CEP63: variants seen among roughly 807,000 people sequenced by gnomAD.
CEP63 encodes centrosomal protein of 63 kDa.
In CEP63, 84 loss-of-function variants were observed where a neutral mutation model predicts 89.1. The ratio of observed to expected loss-of-function variants is 0.94; its 90% confidence interval spans 0.79 to 1.13. The LOEUF is 1.13. Among genes scored for constraint, CEP63 ranks in the 50% most tolerant of loss-of-function variants. The pLI is 0.00. For missense variants in CEP63, 838 were observed against 813.3 expected (o/e 1.03, Z -0.37); for synonymous variants, 267 against 272.5 (o/e 0.98, Z 0.20).
chr3:134,681,936 A>G, the CEP63 span, among the ~76,000 whole-genome samples: 10 of 152,160 alleles, frequency 6.6e-5, no homozygotes, highest in Non-Finnish European at 1.2e-4. Flanking sequence ...TGGAGCAGCA[A>G]CCCAGCCCCG....
chr3:134,761,725 G>A, the CEP63 span, among the ~76,000 whole-genome samples: 2 of 149,930 alleles, frequency 1.3e-5, no homozygotes, highest in South Asian at 4.2e-4. Flanking sequence ...AACAAAATTT[G>A]TAAATCAATC....
At chr3:134,718,614 T>C in the CEP63 span, among the ~76,000 whole-genome samples, 1 of 152,252 alleles carries the variant, frequency 6.6e-6, no homozygotes, top group Non-Finnish European at 1.5e-5. Flanking sequence ...ACATTCTTGC[T>C]TGCCTGAATT....
chr3:134,634,286 G>C, the CEP63 span, among the ~76,000 whole-genome samples: 3 of 151,702 alleles, frequency 2.0e-5, no homozygotes, highest in African/African-American at 7.3e-5. Flanking sequence ...ACAGGAACTG[G>C]AATAACTAAA....
intron 6 of CEP63, among the ~76,000 whole-genome samples, chr3:134,543,961 TAA>T (rs10718830): frequency 1.1e-3 from 169 of 147,666 alleles, no homozygotes; most frequent in Non-Finnish European, 1.1e-3. Context: ...GGGATCTGGT[TAA>T]AAAAAAAAAA....
the CEP63 span, among the ~76,000 whole-genome samples, chr3:134,654,949 C>G: frequency 6.6e-6 from 1 of 152,142 alleles, no homozygotes; most frequent in Non-Finnish European, 1.5e-5. Context: ...TGTCCCACAC[C>G]CACCAAATTT....
At chr3:134,659,103 T>C in the CEP63 span, among the ~76,000 whole-genome samples, 1 of 152,232 alleles carries the variant, frequency 6.6e-6, no homozygotes, top group African/African-American at 2.4e-5. Context: ...TTACACTCCA[T>C]GGCATTCTTG....
Position 134,505,399 on chromosome 3 carries a change from G to C in CEP63, c.45-1710G>C, listed in dbSNP as rs140881001. Reference sequence around the variant, plus strand: ...TAATCAGTATCAGTGGTTTCTGTGAGTTTTTCAGTGACTTGGACTGTGATT... The same window carrying C: ...TAATCAGTATCAGTGGTTTCTGTGACTTTTTCAGTGACTTGGACTGTGATT... On this transcript the variant is annotated intron_variant, in intron 2 of 14. Coordinates refer to ENST00000675561, the MANE Select transcript of CEP63 (RefSeq NM_001353108.3). Among the ~76,000 whole-genome samples, 25 of 152,272 alleles carry C rather than the reference G, an allele frequency of 1.6e-4. 1 individual carries two copies. The East Asian group carries it at 4.6e-3, about 28-fold the overall frequency.
Position 134,547,354 on chromosome 3 carries a change from G to T in CEP63, c.949G>T (p.Ala317Ser). 6.2e-7 allele frequency: 1 copy of T among 1,613,562 alleles called. No individual in the cohort carries two copies. Among genetic ancestry groups the T allele is most frequent in the Non-Finnish European group, 8.5e-7 (1 of 1,179,628 alleles). Residue 317 changes from alanine to serine, a missense_variant, in exon 9 of 15, where the codon GCA (alanine) becomes TCA (serine). Physicochemically the swap from Ala to Ser is moderately conservative, Grantham distance 99 (BLOSUM62 1). Transcript: ENST00000675561. ...CCATAGGCCACGGGAAGAATCTCTG[G>T]CAGAAAAGAAGTACACCTCTCAAGG... Reference protein sequence around the residue: ...EAIRPREESLAEKKYTSQGQG... With the variant: ...EAIRPREESLSEKKYTSQGQG...
At chr3:134,574,677 G>A (rs1310055221) in intron 11 of CEP63, 28 of 426,248 alleles carry the variant, frequency 6.6e-5, no homozygotes, top group Non-Finnish European at 9.2e-5. Flanking sequence ...GTGCAGTCAC[G>A]GCTTACTGCA....
chr3:134,523,444 T>C (rs1947941703), intron 3 of CEP63, among the ~76,000 whole-genome samples: 1 of 152,186 alleles, frequency 6.6e-6, no homozygotes, highest in South Asian at 2.1e-4. Flanking sequence ...TTTGGTGTCT[T>C]TGTCGTGAAA....
chr3:134,494,373 C>T (rs2108011466), intron 1 of CEP63, among the ~76,000 whole-genome samples: 1 of 152,028 alleles, frequency 6.6e-6, no homozygotes, highest in South Asian at 2.1e-4. Context: ...CCCTCGGCCT[C>T]CCAAGTTCTA....
At chr3:134,604,868 T>C in the CEP63 span, among the ~76,000 whole-genome samples, 4 of 152,268 alleles carry the variant, frequency 2.6e-5, no homozygotes, top group East Asian at 7.7e-4. Context: ...AAGTCTCAGG[T>C]CTAGCTTGCA....
chr3:134,715,639 G>C, the CEP63 span, among the ~76,000 whole-genome samples: 1 of 151,556 alleles, frequency 6.6e-6, no homozygotes, highest in Admixed American at 6.6e-5. Context: ...GATTCTCAGA[G>C]CAATGCGGGG....
chr3:134,542,737 C>T (rs1952310613), intron 6 of CEP63, among the ~76,000 whole-genome samples: 1 of 152,158 alleles, frequency 6.6e-6, no homozygotes, highest in Admixed American at 6.6e-5. Context: ...CACTCTCTTT[C>T]ACACTTTAGC....
chr3:134,698,021 G>A, the CEP63 span, among the ~76,000 whole-genome samples: 1 of 152,162 alleles, frequency 6.6e-6, no homozygotes, highest in East Asian at 1.9e-4. Context: ...TCCAGACATG[G>A]AAGACTGCGT....
the CEP63 span, among the ~76,000 whole-genome samples, chr3:134,663,549 G>A: frequency 6.6e-6 from 1 of 152,218 alleles, no homozygotes; most frequent in Non-Finnish European, 1.5e-5. Flanking sequence ...AACCCCGGGG[G>A]CCTTCTATTC....
At chr3:134,525,933 A>G (rs971328417) in intron 3 of CEP63, among the ~76,000 whole-genome samples, 1 of 152,142 alleles carries the variant, frequency 6.6e-6, no homozygotes, top group Non-Finnish European at 1.5e-5. Context: ...CTTGTGAAGT[A>G]TCTTACTGGG....
At chr3:134,692,004 C>T in the CEP63 span, among the ~76,000 whole-genome samples, 1 of 152,176 alleles carries the variant, frequency 6.6e-6, no homozygotes, top group African/African-American at 2.4e-5. Context: ...GCCACCATGC[C>T]CAGCCGGCAT....
At chr3:134,515,543 G>GAA (rs2108627174) in intron 3 of CEP63, among the ~76,000 whole-genome samples, 1 of 152,302 alleles carries the variant, frequency 6.6e-6, no homozygotes, top group South Asian at 2.1e-4. Flanking sequence ...AGCAGAAGCC[G>GAA]AAAGCATTAC....
Sources: allele counts gnomAD v4.1 joint callset (sites outside exome capture counted in the v4.1 genomes callset), GRCh38; gene constraint gnomAD v4.1.1; transcripts MANE v1.5; gene names NCBI Gene and HGNC (gene_info 2026-07-23, HGNC 2026-07-21).